The following HS6ST3 variants were observed in gnomAD, a reference collection of about 807,000 sequenced individuals.
The protein encoded by HS6ST3 is heparan-sulfate 6-O-sulfotransferase 3.
In HS6ST3, 12 loss-of-function variants were observed where a neutral mutation model predicts 36.7. The ratio of observed to expected loss-of-function variants is 0.33; its 90% CI spans 0.21 to 0.53. The LOEUF (loss-of-function observed/expected upper bound fraction) is 0.53, where lower values mean the gene tolerates loss of function less well. Ranked by LOEUF, HS6ST3 falls within the 20% of genes least tolerant of loss-of-function variation. HS6ST3 has a pLI of 0.95. For missense variants in HS6ST3, 584 were observed against 640.9 expected, an observed-to-expected ratio of 0.91 and a Z score of 0.96; for synonymous variants, 240 against 257.5, an observed-to-expected ratio of 0.93 and a Z score of 0.65.
chr13:96,674,075 C>T (rs567640449), intron 1 of HS6ST3, among the ~76,000 whole-genome samples: 21 of 152,150 alleles, frequency 1.4e-4, no homozygotes, highest in African/African-American at 4.6e-4. Context: ...AATCTTGTGT[C>T]GAATTGTAAT....
At chr13:96,344,290 T>G (rs781395971) in intron 1 of HS6ST3, among the ~76,000 whole-genome samples, 9 of 152,202 alleles carry the variant, frequency 5.9e-5, no homozygotes, top group Non-Finnish European at 1.3e-4. Flanking sequence ...TTCTTATTCA[T>G]AAATTTCACT....
intron 1 of HS6ST3, among the ~76,000 whole-genome samples, chr13:96,684,405 C>A (rs925206521): frequency 4.6e-5 from 7 of 151,864 alleles, no homozygotes; most frequent in Non-Finnish European, 5.9e-5. Flanking sequence ...TATTTGACAC[C>A]ATCCAACACT....
intron 1 of HS6ST3, among the ~76,000 whole-genome samples, chr13:96,329,356 C>A (rs894159605): frequency 4.8e-5 from 6 of 124,070 alleles, no homozygotes; most frequent in African/African-American, 2.0e-4. Context: ...GCTTTGAATG[C>A]GTCCCAGAGA....
intron 1 of HS6ST3, among the ~76,000 whole-genome samples, chr13:96,589,497 AGTC>A: frequency 6.6e-6 from 1 of 151,836 alleles, no homozygotes; most frequent in African/African-American, 2.4e-5. Flanking sequence ...TAGTTTTGTT[AGTC>A]TTTTATATTG....
chr13:96,754,642 T>A (rs1043349919), intron 1 of HS6ST3, among the ~76,000 whole-genome samples: 1 of 152,216 alleles, frequency 6.6e-6, no homozygotes, highest in Admixed American at 6.5e-5. Context: ...TGAGAGTTTT[T>A]AATTCTCAGC....
intron 1 of HS6ST3, among the ~76,000 whole-genome samples, chr13:96,631,003 G>T (rs72643808): frequency 5.3e-5 from 8 of 151,984 alleles, no homozygotes; most frequent in Non-Finnish European, 8.8e-5. Flanking sequence ...AGAAATCAAT[G>T]GGTTTCAGTA....
At chr13:96,123,581 ACT>A (rs2053936345) in intron 1 of HS6ST3, among the ~76,000 whole-genome samples, 1 of 151,978 alleles carries the variant, frequency 6.6e-6, no homozygotes, top group Non-Finnish European at 1.5e-5. Flanking sequence ...CCTTTCTGTC[ACT>A]CTTAGAGAGC....
At chr13:96,539,096 C>T (rs954060424) in intron 1 of HS6ST3, among the ~76,000 whole-genome samples, 2 of 152,072 alleles carry the variant, frequency 1.3e-5, no homozygotes, top group Non-Finnish European at 2.9e-5. Context: ...AGAATTATGT[C>T]CAGTGAATCT....
intron 1 of HS6ST3, among the ~76,000 whole-genome samples, chr13:96,579,210 T>C (rs979446316): frequency 6.6e-6 from 1 of 152,178 alleles, no homozygotes; most frequent in South Asian, 2.1e-4. Flanking sequence ...AGATCTGTTT[T>C]CCATAATGTG....
intron 1 of HS6ST3, among the ~76,000 whole-genome samples, chr13:96,109,767 G>A (rs1227386080): frequency 6.6e-6 from 1 of 152,190 alleles, no homozygotes; most frequent in Admixed American, 6.5e-5. Context: ...ATGCACCTCA[G>A]TCAGTTGTTT....
intron 1 of HS6ST3, among the ~76,000 whole-genome samples, chr13:96,208,743 C>G (rs1188415594): frequency 6.6e-6 from 1 of 152,128 alleles, no homozygotes; most frequent in African/African-American, 2.4e-5. Context: ...CAGTCCTCTT[C>G]TTTGATATTA....
intron 1 of HS6ST3, among the ~76,000 whole-genome samples, chr13:96,524,018 G>A (rs967389237): frequency 6.6e-6 from 1 of 152,160 alleles, no homozygotes; most frequent in South Asian, 2.1e-4. Context: ...GGTCTTTGAT[G>A]TTGGTGACCT....
chr13:96,757,202 C>G (rs539653398), intron 1 of HS6ST3, among the ~76,000 whole-genome samples: 4 of 152,230 alleles, frequency 2.6e-5, no homozygotes, highest in Non-Finnish European at 4.4e-5. Flanking sequence ...GAAATGGCAC[C>G]CTTCACCAGT....
intron 1 of HS6ST3, among the ~76,000 whole-genome samples, chr13:96,481,051 A>G (rs997639574): frequency 2.6e-5 from 4 of 152,188 alleles, no homozygotes; most frequent in African/African-American, 9.6e-5. Context: ...TTTCTATTTC[A>G]TAACCTGGGA....
intron 1 of HS6ST3, among the ~76,000 whole-genome samples, chr13:96,102,585 T>G (rs978095082): frequency 2.0e-5 from 3 of 152,224 alleles, no homozygotes; most frequent in African/African-American, 7.2e-5. Context: ...TTTCTTTGCT[T>G]TGAAGGTTTT....
intron 1 of HS6ST3, among the ~76,000 whole-genome samples, chr13:96,544,629 T>C (rs1296569566): frequency 2.0e-5 from 3 of 152,218 alleles, no homozygotes; most frequent in Non-Finnish European, 4.4e-5. Flanking sequence ...TTGTGACAAC[T>C]CTTTTTAGTC....
intron 1 of HS6ST3, among the ~76,000 whole-genome samples, chr13:96,393,681 G>A (rs988988685): frequency 1.3e-5 from 2 of 152,186 alleles, no homozygotes; most frequent in African/African-American, 4.8e-5. Flanking sequence ...AGTTGTGATT[G>A]TAAGTAGGCA....
chr13:96,691,662 T>G (rs2138445549), intron 1 of HS6ST3, among the ~76,000 whole-genome samples: 1 of 152,144 alleles, frequency 6.6e-6, no homozygotes, highest in South Asian at 2.1e-4. Context: ...CCCTCTTTCC[T>G]TTTCTTTTAC....
At chr13:96,749,903 A>G (rs951069343) in intron 1 of HS6ST3, among the ~76,000 whole-genome samples, 2 of 152,050 alleles carry the variant, frequency 1.3e-5, no homozygotes, top group Admixed American at 1.3e-4. Flanking sequence ...TAATATTATT[A>G]TTTATATTTC....
Sources: allele counts gnomAD v4.1 joint callset (sites outside exome capture counted in the v4.1 genomes callset), GRCh38; gene constraint gnomAD v4.1.1; transcripts MANE v1.5; gene names NCBI Gene and HGNC (gene_info 2026-07-23, HGNC 2026-07-21).